GDAP2: variants seen among roughly 807,000 people sequenced by gnomAD.
GDAP2 encodes ganglioside-induced differentiation-associated protein 2.
GDAP2 carries 51 observed loss-of-function variants against 67.0 expected under a neutral mutation model. That is an observed-to-expected ratio of 0.76 (90% CI 0.61 to 0.96). The LOEUF (loss-of-function observed/expected upper bound fraction) is 0.96. GDAP2 is among the 40% of genes least tolerant of loss of function. The probability of loss-of-function intolerance (pLI) is 0.00; values close to 1 mark genes in which losing one functional copy is unlikely to be tolerated. For missense variants in GDAP2, 547 were observed against 588.3 expected (o/e 0.93, Z 0.73); for synonymous variants, 203 against 207.3 (o/e 0.98, Z 0.18).
chr1:117,916,176 A>C (rs559754191), intron 3 of GDAP2, among the ~76,000 whole-genome samples: 7 of 152,226 alleles, frequency 4.6e-5, no homozygotes, highest in Non-Finnish European at 8.8e-5. Flanking sequence ...CTGGCAGCAC[A>C]TACTATGGGT....
chr1:117,872,358 A>G (rs1307445624), intron 13 of GDAP2, among the ~76,000 whole-genome samples: 2 of 152,240 alleles, frequency 1.3e-5, no homozygotes, highest in African/African-American at 4.8e-5. Flanking sequence ...TCAAAGGAAT[A>G]TAAACCATTC....
chr1:117,927,395 A>G (rs1650488707), intron 1 of GDAP2, among the ~76,000 whole-genome samples: 1 of 152,210 alleles, frequency 6.6e-6, no homozygotes, highest in Non-Finnish European at 1.5e-5. Context: ...GGATAGAAAG[A>G]AAATGATATC....
chr1:117,889,527 A>G (rs559431307), intron 8 of GDAP2, among the ~76,000 whole-genome samples: 1 of 152,038 alleles, frequency 6.6e-6, no homozygotes, highest in East Asian at 1.9e-4. Flanking sequence ...TTCTGAGTTC[A>G]GTTTTTTTAG....
At chr1:117,927,397 AATG>A (rs907109597) in intron 1 of GDAP2, among the ~76,000 whole-genome samples, 43 of 152,322 alleles carry the variant, frequency 2.8e-4, no homozygotes, top group African/African-American at 1.0e-3. Flanking sequence ...ATAGAAAGAA[AATG>A]ATATCATTTA....
At chr1:117,901,876 T>A (rs987435547) in intron 6 of GDAP2, among the ~76,000 whole-genome samples, 1 of 152,182 alleles carries the variant, frequency 6.6e-6, no homozygotes, top group African/African-American at 2.4e-5. Context: ...ATGCAAATAT[T>A]TCTCCTGGTC....
At chr1:117,875,525 G>C (rs1323957428) in intron 13 of GDAP2, among the ~76,000 whole-genome samples, 1 of 152,226 alleles carries the variant, frequency 6.6e-6, no homozygotes, top group African/African-American at 2.4e-5. Flanking sequence ...CTGGGGCACT[G>C]CCTAGTGGAG....
At chr1:117,870,709 GA>G in intron 13 of GDAP2, 93 bp from the exon 14 acceptor site, 2 of 862,938 alleles carry the variant, frequency 2.3e-6, no homozygotes, top group Non-Finnish European at 4.0e-6. Context: ...TTGAGGTAGT[GA>G]TATAAAATGT....
At chr1:117,922,097 G>A (rs975153010) in intron 1 of GDAP2, among the ~76,000 whole-genome samples, 2 of 152,028 alleles carry the variant, frequency 1.3e-5, no homozygotes, top group African/African-American at 4.8e-5. Flanking sequence ...CTCATTCTAT[G>A]ACCAAGTGTT....
chr1:117,886,679 C>A, intron 9 of GDAP2, 26 bp from the exon 10 acceptor site: 2 of 1,195,852 alleles, frequency 1.7e-6, no homozygotes, highest in Non-Finnish European at 2.5e-6. Flanking sequence ...GTCATCAGCA[C>A]CCAGAAACTT....
chr1:117,925,784 T>A (rs1650421983), intron 1 of GDAP2, among the ~76,000 whole-genome samples: 1 of 152,196 alleles, frequency 6.6e-6, no homozygotes, highest in Admixed American at 6.5e-5. Context: ...CTAAGATTAT[T>A]GTGAGCATTC....
intron 13 of GDAP2, chr1:117,877,264 A>T: frequency 1.1e-6 from 1 of 948,782 alleles, no homozygotes. Flanking sequence ...ACACTGCACA[A>T]TAATTAGGGA....
chr1:117,883,619 T>G lies in GDAP2; in HGVS notation c.1116A>C (p.Leu372Phe). Reference sequence around the variant, plus strand: ...TGTGATCCATTACATGAATGAAATATAAGAGAGCCTAAAAGATAAAAGGGG... The same window carrying G: ...TGTGATCCATTACATGAATGAAATAGAAGAGAGCCTAAAAGATAAAAGGGG... ...VTLIDMDKAL[L>F]YFIHVMDHIA... The change falls in exon 11 of 14, where the codon TTA becomes TTC. Residue 372 changes from leucine to phenylalanine, a missense_variant. By Grantham distance (22) the Leu-to-Phe change is conservative. Coordinates refer to ENST00000369443, the MANE Select transcript of GDAP2 (RefSeq NM_017686.4). 6.2e-7 allele frequency: 1 copy of G among 1,600,348 alleles called. No individual in the cohort carries two copies.
At chr1:117,889,149 ATT>A (rs1017454791) in intron 8 of GDAP2, among the ~76,000 whole-genome samples, 26 of 152,126 alleles carry the variant, frequency 1.7e-4, no homozygotes, top group African/African-American at 6.3e-4. Context: ...ACTATTCCAT[ATT>A]TTCATACAGT....
rs1648741772 is a variant in GDAP2, at chr1:117,883,581, TCC to T, written c.1152_1153del (p.Glu385ValfsTer29). 1 of 1,599,610 alleles carries T rather than the reference TCC, an allele frequency of 6.3e-7. No individual in the cohort carries two copies. The highest frequency in any genetic ancestry group is 2.2e-5 in the East Asian group (1 of 44,690). Reference sequence around the variant, plus strand: ...GGTGTGAAAATACACTAATACATACTCCTTCACAGCAATGTGATCCATTACAT... The same window carrying T: ...GGTGTGAAAATACACTAATACATACTTTCACAGCAATGTGATCCATTACAT... On this transcript the variant is annotated frameshift_variant, in exon 11 of 14. Coordinates refer to ENST00000369443, the MANE Select transcript of GDAP2 (RefSeq NM_017686.4). LOFTEE classifies it high-confidence loss of function.
chr1:117,910,670 T>C (rs1255017546), intron 5 of GDAP2, among the ~76,000 whole-genome samples: 1 of 152,196 alleles, frequency 6.6e-6, no homozygotes, highest in South Asian at 2.1e-4. Context: ...GATGATTTAG[T>C]ATAGTTCGTC....
chr1:117,894,008 T>C (rs761905401), intron 8 of GDAP2, among the ~76,000 whole-genome samples: 42 of 152,204 alleles, frequency 2.8e-4, no homozygotes, highest in Middle Eastern at 3.2e-3. Context: ...GCAAATCTCT[T>C]TAATTTCTGC....
At chr1:117,878,567 C>T (rs1648546462) in intron 12 of GDAP2, among the ~76,000 whole-genome samples, 1 of 152,140 alleles carries the variant, frequency 6.6e-6, no homozygotes, top group African/African-American at 2.4e-5. Flanking sequence ...GTGAATTTTT[C>T]AAATGAGACT....
At chr1:117,877,423 G>T in intron 13 of GDAP2, 1 of 977,708 alleles carries the variant, frequency 1.0e-6, no homozygotes, top group Non-Finnish European at 1.2e-6. Context: ...AATTACTAAG[G>T]TGATATCATG....
chr1:117,883,930 A>T (rs1648757079), intron 10 of GDAP2, among the ~76,000 whole-genome samples: 1 of 152,198 alleles, frequency 6.6e-6, no homozygotes. Context: ...CATATACTGG[A>T]AAAAGTTCTT....
Sources: allele counts gnomAD v4.1 joint callset (sites outside exome capture counted in the v4.1 genomes callset), GRCh38; gene constraint gnomAD v4.1.1; transcripts MANE v1.5; gene names NCBI Gene and HGNC (gene_info 2026-07-23, HGNC 2026-07-21).